TLE4: variants seen among roughly 807,000 people sequenced by gnomAD.
The protein encoded by TLE4 is transducin-like enhancer protein 4.
TLE4 carries 8 observed loss-of-function variants against 92.8 expected under a neutral mutation model. The ratio of observed to expected loss-of-function variants is 0.09; its 90% CI spans 0.05 to 0.16. The LOEUF (loss-of-function observed/expected upper bound fraction) is 0.16, where lower values mean the gene tolerates loss of function less well. Among genes scored for constraint, TLE4 ranks in the 10% least tolerant of loss-of-function variants. TLE4 has a pLI of 1.00. For missense variants in TLE4, 675 were observed against 997.6 expected (o/e 0.68, Z 4.36); for synonymous variants, 371 against 374.1 (o/e 0.99, Z 0.10).
At chr9:79,601,469 C>T in intron 4 of TLE4, 1 of 455,380 alleles carries the variant, frequency 2.2e-6, no homozygotes, top group Non-Finnish European at 4.4e-6. Context: ...GCTGTTCTTC[C>T]AATAGCCTGT....
chr9:79,663,244 G>A (rs182576882), intron 8 of TLE4, among the ~76,000 whole-genome samples: 51 of 152,298 alleles, frequency 3.3e-4, no homozygotes, highest in African/African-American at 1.1e-3. Context: ...TGAAGAGACA[G>A]CTTTTTAGGA....
Position 79,672,938 on chromosome 9 carries a change from G to A in TLE4, c.609+18863G>A, listed in dbSNP as rs573235452. Among the ~76,000 whole-genome samples, 3 of 152,258 alleles carry A rather than the reference G, an allele frequency of 2.0e-5. 1 individual carries two copies. The East Asian group carries it at 5.8e-4, about 29-fold the overall frequency. Reference sequence around the variant, plus strand: ...AAACAAGTGCAAGTGAGGGCAGGTGGAGCATAGAAAACTCTCAGCACAGGG... The same window carrying A: ...AAACAAGTGCAAGTGAGGGCAGGTGAAGCATAGAAAACTCTCAGCACAGGG... On this transcript the variant is annotated intron_variant, in intron 8 of 19. Coordinates refer to ENST00000376552, the MANE Select transcript of TLE4 (RefSeq NM_007005.6).
intron 8 of TLE4, among the ~76,000 whole-genome samples, chr9:79,698,911 T>TA (rs1227411702): frequency 6.7e-6 from 1 of 150,146 alleles, no homozygotes; most frequent in Non-Finnish European, 1.5e-5. Context: ...GGTTTCCCTG[T>TA]AAATGAGATA....
intron 4 of TLE4, 59 bp from the exon 5 acceptor site, chr9:79,612,597 G>A (rs1369745865): frequency 2.8e-6 from 4 of 1,431,736 alleles, no homozygotes; most frequent in African/African-American, 2.8e-5. Context: ...TAATATTTGG[G>A]GAATCTGTAA....
chr9:79,712,033 A>G (rs192741843), intron 14 of TLE4, among the ~76,000 whole-genome samples: 22 of 152,326 alleles, frequency 1.4e-4, no homozygotes, highest in African/African-American at 4.3e-4. Context: ...GTGAGCTTCA[A>G]TCAGCTCATT....
intron 4 of TLE4, among the ~76,000 whole-genome samples, chr9:79,599,399 T>G (rs986609192): frequency 3.3e-5 from 5 of 152,268 alleles, no homozygotes; most frequent in East Asian, 1.9e-4. Context: ...CTTTGGAGAT[T>G]GTGAGTTAAT....
chr9:79,670,561 T>A (rs1564791974), intron 8 of TLE4, among the ~76,000 whole-genome samples: 1 of 152,210 alleles, frequency 6.6e-6, no homozygotes, highest in East Asian at 1.9e-4. Flanking sequence ...AGCTAAAATA[T>A]CACCCTTGTT....
Position 79,572,078 on chromosome 9 carries a change from G to A in TLE4, c.-713G>A, listed in dbSNP as rs1312630705. On this transcript the variant is annotated 5_prime_UTR_variant, in exon 1 of 20. Transcript: ENST00000376552. ...AGGTGGTGTTCGCAGAGTTTGAAAG[G>A]AGAGAGAATTAAAAAAAAAAGCCGC... 6 of 151,640 alleles carry A rather than the reference G, an allele frequency of 4.0e-5. No individual in the cohort carries two copies. Among genetic ancestry groups the A allele is most frequent in the African/African-American group, 1.2e-4 (5 of 41,234 alleles). The allele number at this position is 151,640 out of a possible 1,614,324, so 9.4% of individuals were successfully genotyped here. A position where few individuals can be genotyped will look rare whatever the true frequency, so the allele number is the denominator to read the frequency against.
In TLE4 at chr9:79,718,814, C is replaced by G; in HGVS notation, c.1433C>G (p.Ala478Gly). The change falls in exon 15 of 20, where the codon GCT becomes GGT. Residue 478 changes from alanine to glycine, a missense_variant. Around this residue, in one of 5 missense-constraint regions of TLE4, gnomAD observed 119 missense variants for 175.9 expected, o/e 0.68. Coordinates refer to ENST00000376552, the MANE Select transcript of TLE4 (RefSeq NM_007005.6). ...ATCGGACCTGGAATCCCCCGGCATG[C>G]TCGCCAGATCAACACCCTCAACCAC... ...ALIGPGIPRH[A>G]RQINTLNHGE... 1 of 1,614,166 alleles carries G rather than the reference C, an allele frequency of 6.2e-7. No individual in the cohort carries two copies. The highest frequency in any genetic ancestry group is 2.2e-5 in the East Asian group (1 of 44,878).
chr9:79,576,267 A>G, intron 4 of TLE4, 90 bp downstream of exon 4: 1 of 988,610 alleles, frequency 1.0e-6, no homozygotes, highest in African/African-American at 1.6e-5. Context: ...TTATTCTGCA[A>G]GCCGTTGTGG....
chr9:79,592,630 TAGACATA>T (rs2042994403), intron 4 of TLE4, among the ~76,000 whole-genome samples: 1 of 152,160 alleles, frequency 6.6e-6, no homozygotes, highest in African/African-American at 2.4e-5. Context: ...TACCTTTATA[TAGACATA>T]GTGGAATTTG....
rs1052390184 is a variant in TLE4, at chr9:79,675,609, A to T, written c.609+21534A>T. On this transcript the variant is annotated intron_variant, in intron 8 of 19. Transcript: ENST00000376552. ...AATCCTGAAATCAGTATATCCTTAAAATCCAGAATGTGTAGGCATTAACTA... is the reference window on the plus strand; with the variant it reads ...AATCCTGAAATCAGTATATCCTTAATATCCAGAATGTGTAGGCATTAACTA... Among the ~76,000 whole-genome samples the T allele has an allele frequency of 3.1e-4, 47 of 152,148 alleles. 1 individual carries two copies. The highest frequency in any genetic ancestry group is 2.0e-3 in the Admixed American group (31 of 15,252).
At chr9:79,661,164 A>G (rs2060481174) in intron 8 of TLE4, among the ~76,000 whole-genome samples, 1 of 152,210 alleles carries the variant, frequency 6.6e-6, no homozygotes, top group African/African-American at 2.4e-5. Flanking sequence ...TTTCAAAAAC[A>G]TTTGTTTCTC....
At chr9:79,720,382 GTGTGT>G (rs1565205303) in intron 16 of TLE4, 89 bp downstream of exon 16, 20 of 80,220 alleles carry the variant, frequency 2.5e-4, no homozygotes, top group African/African-American at 2.0e-3. Flanking sequence ...GTATGGGTGT[GTGTGT>G]GTGTGTGTGT....
At chr9:79,599,019 C>T (rs2044850508) in intron 4 of TLE4, among the ~76,000 whole-genome samples, 1 of 152,160 alleles carries the variant, frequency 6.6e-6, no homozygotes, top group Admixed American at 6.5e-5. Context: ...CTTTCATCCT[C>T]CATCTTTCCT....
intron 4 of TLE4, among the ~76,000 whole-genome samples, chr9:79,611,309 G>A (rs1047416379): frequency 7.9e-5 from 12 of 152,086 alleles, no homozygotes; most frequent in African/African-American, 2.9e-4. Context: ...ATTCACTGCA[G>A]CTTATTGGTG....
At chr9:79,668,804 G>A (rs2061807684) in intron 8 of TLE4, 2 of 985,242 alleles carry the variant, frequency 2.0e-6, no homozygotes, top group South Asian at 9.4e-5. Flanking sequence ...ATACTCTTTT[G>A]TATATTCAAA....
In TLE4 at chr9:79,694,123, G is replaced by C. The variant is rs540877183; in HGVS notation, c.610-10660G>C. Reference sequence around the variant, plus strand: ...TATTGCTGGCAGGGCAAGGGCGGAGGGGGGAGTGTGGAGAACGGAAAAGAG... The same window carrying C: ...TATTGCTGGCAGGGCAAGGGCGGAGCGGGGAGTGTGGAGAACGGAAAAGAG... On this transcript the variant is annotated intron_variant, in intron 8 of 19. Coordinates refer to ENST00000376552, the MANE Select transcript of TLE4 (RefSeq NM_007005.6). Among the ~76,000 whole-genome samples the C allele has an allele frequency of 1.1e-4, 16 of 152,264 alleles. No homozygotes were observed. In the South Asian group the frequency reaches 2.5e-3, roughly 24 times the overall value.
intron 8 of TLE4, among the ~76,000 whole-genome samples, chr9:79,669,767 C>T (rs546712985): frequency 1.4e-3 from 207 of 152,254 alleles, no homozygotes; most frequent in Non-Finnish European, 2.6e-3. Flanking sequence ...TAGGAATTTA[C>T]TGAGTTTGTT....
Sources: allele counts gnomAD v4.1 joint callset (sites outside exome capture counted in the v4.1 genomes callset), GRCh38; gene constraint gnomAD v4.1.1; regional missense constraint gnomAD v4.1.1; transcripts MANE v1.5; gene names NCBI Gene and HGNC (gene_info 2026-07-23, HGNC 2026-07-21).